CLDN20: variants seen among roughly 807,000 people sequenced by gnomAD.
The protein encoded by CLDN20 is claudin-20.
For missense variants in CLDN20, 258 were observed against 267.9 expected (o/e 0.96, Z 0.26); for synonymous variants, 104 against 103.6 (o/e 1.00, Z -0.03).
chr6:155,269,319 C>CTT (rs1245980310), intron 1 of CLDN20, among the ~76,000 whole-genome samples: 1 of 98,030 alleles, frequency 1.0e-5, no homozygotes, highest in Non-Finnish European at 2.0e-5. Flanking sequence ...CTTTTCTTTT[C>CTT]TTTTCTTTTT....
chr6:155,273,710 T>C (rs1423849293), intron 1 of CLDN20, among the ~76,000 whole-genome samples: 2 of 152,160 alleles, frequency 1.3e-5, no homozygotes, highest in Non-Finnish European at 2.9e-5. Flanking sequence ...GGATGCGGGA[T>C]GACCCTGTGA....
chr6:155,272,146 T>C (rs1434517728), intron 1 of CLDN20, among the ~76,000 whole-genome samples: 1 of 152,204 alleles, frequency 6.6e-6, no homozygotes, highest in East Asian at 1.9e-4. Context: ...TGAGGTTAAT[T>C]TGAAGACAAC....
intron 1 of CLDN20, among the ~76,000 whole-genome samples, chr6:155,269,040 A>G (rs1470795755): frequency 6.6e-6 from 1 of 151,554 alleles, no homozygotes; most frequent in East Asian, 1.9e-4. Flanking sequence ...ATGGACTGCA[A>G]TCACTCAACC....
At chr6:155,268,672 CAT>C (rs1425523832) in intron 1 of CLDN20, among the ~76,000 whole-genome samples, 4 of 152,068 alleles carry the variant, frequency 2.6e-5, no homozygotes, top group Non-Finnish European at 5.9e-5. Flanking sequence ...CTCTCTGAAA[CAT>C]GTGCTGTGTC....
chr6:155,275,622 T>G lies in CLDN20; in HGVS notation c.-98T>G. The G allele has an allele frequency of 8.1e-7, 1 of 1,230,054 alleles. No individual in the cohort carries two copies. 76.2% of individuals were successfully genotyped at this position (1,230,054 alleles called of 1,614,324 possible). On this transcript the variant is annotated 5_prime_UTR_variant, in exon 2 of 2. Coordinates refer to ENST00000367165, the MANE Select transcript of CLDN20 (RefSeq NM_001001346.3). ...TTTTGCCTTTTTTCCTTAGGCTTTGTTATTTGGTTCTCTACTGCACAGAAA... is the reference window on the plus strand; with the variant it reads ...TTTTGCCTTTTTTCCTTAGGCTTTGGTATTTGGTTCTCTACTGCACAGAAA...
chr6:155,267,023 G>A (rs1291315171), intron 1 of CLDN20, among the ~76,000 whole-genome samples: 3 of 147,910 alleles, frequency 2.0e-5, no homozygotes, highest in Non-Finnish European at 3.0e-5. Flanking sequence ...AGGCTGGAGT[G>A]CAGTGCAGTG....
At position 155,275,825 on chromosome 6, in the gene CLDN20, G is replaced by A. The variant is rs758157483; in HGVS notation, c.106G>A (p.Val36Met). 1.9e-6 allele frequency: 3 copies of A among 1,614,132 alleles called. No individual in the cohort carries two copies. The highest frequency in any genetic ancestry group is 2.2e-5 in the South Asian group (2 of 91,072). The change falls in exon 2 of 2, where the codon GTG becomes ATG. Residue 36 changes from valine to methionine, a missense_variant. Transcript: ENST00000367165. ...LLPNWKVNVD[V>M]DSNIITAIVQ... ...GCCCAACTGGAAGGTGAATGTGGATGTGGACTCCAACATCATAACAGCCAT... is the reference window on the plus strand; with the variant it reads ...GCCCAACTGGAAGGTGAATGTGGATATGGACTCCAACATCATAACAGCCAT...
chr6:155,266,505 G>A (rs1784637477), intron 1 of CLDN20, among the ~76,000 whole-genome samples: 1 of 152,250 alleles, frequency 6.6e-6, no homozygotes, highest in South Asian at 2.1e-4. Context: ...TCACCAGGGG[G>A]GATGAAAAGC....
intron 1 of CLDN20, among the ~76,000 whole-genome samples, chr6:155,275,370 GT>G (rs1483931330): frequency 1.3e-5 from 2 of 152,192 alleles, no homozygotes; most frequent in African/African-American, 4.8e-5. Context: ...CATATGTTGA[GT>G]TTTAAAAAGA....
At chr6:155,275,163 T>C (rs1295613095) in intron 1 of CLDN20, among the ~76,000 whole-genome samples, 2 of 151,922 alleles carry the variant, frequency 1.3e-5, no homozygotes, top group Non-Finnish European at 2.9e-5. Flanking sequence ...GAGGTGGAGC[T>C]TGCAGTGAGC....
At chr6:155,273,829 T>C (rs1785051837) in intron 1 of CLDN20, among the ~76,000 whole-genome samples, 1 of 152,138 alleles carries the variant, frequency 6.6e-6, no homozygotes, top group Non-Finnish European at 1.5e-5. Flanking sequence ...ACAAGGATGC[T>C]TGAGATTGTC....
Position 155,276,330 on chromosome 6 carries a change from A to G in CLDN20, c.611A>G (p.Asn204Ser). The stretch of plus-strand genomic sequence containing the variant: ...CCACCCACACAGCAGCCTATCTCTA[A>G]CACACAGCTCGAGAACAATTCCACA... ...LDPPTQQPISNTQLENNSTHN... is the reference protein window; with the variant it reads ...LDPPTQQPISSTQLENNSTHN... Residue 204 changes from asparagine to serine, a missense_variant, in exon 2 of 2, where the codon AAC becomes AGC. Asn to Ser is a conservative substitution (Grantham distance 46, BLOSUM62 1). Transcript: ENST00000367165. 1 of 1,613,690 alleles carries G rather than the reference A, an allele frequency of 6.2e-7. No individual in the cohort carries two copies. The highest frequency in any genetic ancestry group is 1.1e-5 in the South Asian group (1 of 91,074).
In CLDN20 at chr6:155,276,115, T is replaced by A. The variant is rs1351717209; in HGVS notation, c.396T>A (p.Ser132Arg). 1 of 1,614,166 alleles carries A rather than the reference T, an allele frequency of 6.2e-7. No homozygotes were observed. The highest frequency in any genetic ancestry group is 1.1e-5 in the South Asian group (1 of 91,068). Residue 132 changes from serine to arginine, a missense_variant, in exon 2 of 2, where the codon AGT becomes AGA. Ser to Arg is a moderately radical substitution (Grantham distance 110). Transcript: ENST00000367165. Reference sequence around the variant, plus strand: ...GTTTCATGTCTGCAGGAATCTCTAGTTTAATCTCGACAGTGTGGTACACAA... The same window carrying A: ...GTTTCATGTCTGCAGGAATCTCTAGATTAATCTCGACAGTGTGGTACACAA... ...GVCFMSAGIS[S>R]LISTVWYTKE...
Position 155,276,148 on chromosome 6 carries a change from C to T in CLDN20, c.429C>T (p.Ile143=), listed in dbSNP as rs148869864. 9 of 1,614,004 alleles carry T rather than the reference C, an allele frequency of 5.6e-6. No individual in the cohort carries two copies. The African/African-American group carries it at 1.2e-4, about 22-fold the overall frequency. The change falls in exon 2 of 2, where the codon ATC becomes ATT. Residue 143 remains isoleucine, a synonymous_variant. Coordinates refer to ENST00000367165, the MANE Select transcript of CLDN20 (RefSeq NM_001001346.3). The stretch of plus-strand genomic sequence containing the variant: ...CGACAGTGTGGTACACAAAGGAGAT[C>T]ATAGCAAACTTTCTGGATCTGACAG... ...LISTVWYTKE[I]IANFLDLTVP... is the part of the protein sequence containing the mutation.
chr6:155,272,927 T>G (rs144852046), intron 1 of CLDN20, among the ~76,000 whole-genome samples: 4 of 152,242 alleles, frequency 2.6e-5, no homozygotes, highest in Non-Finnish European at 5.9e-5. Flanking sequence ...GGATTATAAT[T>G]GGTAAGCTGA....
intron 1 of CLDN20, among the ~76,000 whole-genome samples, chr6:155,272,886 TTATAAAA>T (rs760829367): frequency 2.2e-4 from 33 of 152,246 alleles, no homozygotes; most frequent in Non-Finnish European, 3.2e-4. Flanking sequence ...ATACTGAAAG[TTATAAAA>T]TATATCAGTT....
At chr6:155,271,227 G>A (rs991869225) in intron 1 of CLDN20, among the ~76,000 whole-genome samples, 2 of 152,238 alleles carry the variant, frequency 1.3e-5, no homozygotes, top group Non-Finnish European at 1.5e-5. Flanking sequence ...TAATGGCTAT[G>A]AATTTATAGC....
chr6:155,266,146 C>T (rs1220527371), intron 1 of CLDN20, among the ~76,000 whole-genome samples: 1 of 152,280 alleles, frequency 6.6e-6, no homozygotes, highest in Non-Finnish European at 1.5e-5. Flanking sequence ...TACTTTGTAT[C>T]CTTCAATCCA....
At position 155,269,098 on chromosome 6, in the gene CLDN20, T is replaced by C. The variant is rs367764853; in HGVS notation, c.-105+4810T>C. Among the ~76,000 whole-genome samples the C allele has an allele frequency of 7.4e-3, 1,120 of 151,836 alleles. 14 individuals are homozygous for C. Among genetic ancestry groups the C allele is most frequent in the African/African-American group, 0.026 (1,066 of 41,470 alleles). The stretch of plus-strand genomic sequence containing the variant: ...AGAAGTAAATGCTGATATGTAAAGC[T>C]ACAGAGATTTCTGGGTTAATTTGTT... On this transcript the variant is annotated intron_variant, in intron 1 of 1. Transcript: ENST00000367165.
Sources: allele counts gnomAD v4.1 joint callset (sites outside exome capture counted in the v4.1 genomes callset), GRCh38; gene constraint gnomAD v4.1.1; transcripts MANE v1.5; gene names NCBI Gene and HGNC (gene_info 2026-07-23, HGNC 2026-07-21).